The following CNTNAP2 variants were observed in gnomAD, a reference collection of about 807,000 sequenced individuals.
CNTNAP2 encodes contactin-associated protein-like 2.
A neutral mutation model predicts 155.2 loss-of-function variants in CNTNAP2; 98 were observed. The observed-to-expected ratio is 0.63, with a 90% CI of 0.54 to 0.75. The LOEUF is 0.75. CNTNAP2 is among the 30% of genes least tolerant of loss of function. The pLI, the probability that CNTNAP2 is intolerant of heterozygous loss-of-function variation, is 0.00. For missense variants in CNTNAP2, 1,727 were observed against 1,688.1 expected, an observed-to-expected ratio of 1.02 and a Z score of -0.40; for synonymous variants, 651 against 631.2, an observed-to-expected ratio of 1.03 and a Z score of -0.47.
chr7:146,187,758 T>C (rs1005549116), intron 1 of CNTNAP2, among the ~76,000 whole-genome samples: 4 of 152,096 alleles, frequency 2.6e-5, no homozygotes, highest in African/African-American at 9.7e-5. Context: ...CACGGAACTC[T>C]CTCTTATTCA....
chr7:147,877,651 T>C (rs937649686), intron 13 of CNTNAP2, among the ~76,000 whole-genome samples: 1 of 152,182 alleles, frequency 6.6e-6, no homozygotes, highest in Admixed American at 6.6e-5. Context: ...CAAGACACTT[T>C]GTTAAATGAA....
At chr7:146,938,542 C>T (rs1796976107) in intron 3 of CNTNAP2, among the ~76,000 whole-genome samples, 1 of 151,544 alleles carries the variant, frequency 6.6e-6, no homozygotes, top group Admixed American at 6.6e-5. Context: ...AAAAACAAAT[C>T]CCTCCACTCC....
intron 20 of CNTNAP2, among the ~76,000 whole-genome samples, chr7:148,249,269 C>T (rs1177966268): frequency 6.6e-6 from 1 of 152,216 alleles, no homozygotes; most frequent in East Asian, 1.9e-4. Context: ...TCACAGTTCT[C>T]CTGCTGCTCC....
chr7:146,309,733 G>C (rs570408126), intron 1 of CNTNAP2, among the ~76,000 whole-genome samples: 2 of 151,828 alleles, frequency 1.3e-5, no homozygotes, highest in South Asian at 4.2e-4. Flanking sequence ...CCCTGGAGGC[G>C]GAGGTTGCAG....
At chr7:147,391,603 C>A (rs1796719844) in intron 9 of CNTNAP2, among the ~76,000 whole-genome samples, 1 of 152,022 alleles carries the variant, frequency 6.6e-6, no homozygotes, top group Admixed American at 6.6e-5. Flanking sequence ...CCCCCTTACC[C>A]CTTGAGCTTC....
At chr7:146,542,040 C>T (rs1797960976) in intron 1 of CNTNAP2, among the ~76,000 whole-genome samples, 1 of 151,896 alleles carries the variant, frequency 6.6e-6, no homozygotes, top group Non-Finnish European at 1.5e-5. Flanking sequence ...AACTCAAGTC[C>T]TTAAAAATGA....
intron 3 of CNTNAP2, among the ~76,000 whole-genome samples, chr7:146,881,834 CAG>C (rs1795559001): frequency 6.9e-6 from 1 of 145,354 alleles, no homozygotes. Context: ...ATTTTAGAGT[CAG>C]GGGATACATA....
At chr7:147,683,234 A>ATTAAT (rs543964797) in intron 13 of CNTNAP2, among the ~76,000 whole-genome samples, 2,483 of 152,008 alleles carry the variant, frequency 0.016, 221 homozygotes, top group Admixed American at 0.15. Context: ...GACAAATGTA[A>ATTAAT]TTAATCCCAA....
intron 13 of CNTNAP2, among the ~76,000 whole-genome samples, chr7:147,743,591 G>A (rs1195529835): frequency 6.6e-6 from 1 of 152,116 alleles, no homozygotes; most frequent in East Asian, 1.9e-4. Context: ...TCACGCTCTG[G>A]TAATTGCGTT....
At chr7:147,436,809 C>A (rs1797556216) in intron 10 of CNTNAP2, among the ~76,000 whole-genome samples, 1 of 152,122 alleles carries the variant, frequency 6.6e-6, no homozygotes, top group African/African-American at 2.4e-5. Flanking sequence ...TGAAGTTAGG[C>A]TCCCACCCAC....
chr7:146,258,528 G>A (rs975644569), intron 1 of CNTNAP2, among the ~76,000 whole-genome samples: 2 of 152,186 alleles, frequency 1.3e-5, no homozygotes, highest in African/African-American at 2.4e-5. Context: ...GCTTGTTGAT[G>A]TTGGAGGTTC....
chr7:146,483,524 T>C (rs1797010867), intron 1 of CNTNAP2, among the ~76,000 whole-genome samples: 1 of 150,300 alleles, frequency 6.7e-6, no homozygotes, highest in African/African-American at 2.4e-5. Context: ...TGTGTGTGTG[T>C]AATTTTTTTG....
At chr7:146,303,722 G>T (rs1163987497) in intron 1 of CNTNAP2, among the ~76,000 whole-genome samples, 1 of 152,116 alleles carries the variant, frequency 6.6e-6, no homozygotes, top group Admixed American at 6.5e-5. Context: ...GTGTGTTGTG[G>T]TGCTGAGAAG....
At position 146,892,176 on chromosome 7, in the gene CNTNAP2, G is replaced by A. The variant is rs145333488; in HGVS notation, c.402+52272G>A. ...TTCTTCCAAGACGGCCCACTCAATG[G>A]CTGGCAAGTTGATGCTGTTATCAGC... is the stretch of plus-strand genomic sequence containing the variant. On this transcript the variant is annotated intron_variant, in intron 3 of 23. Coordinates refer to ENST00000361727, the MANE Select transcript of CNTNAP2 (RefSeq NM_014141.6). Among the ~76,000 whole-genome samples the A allele has an allele frequency of 3.2e-3, 481 of 152,282 alleles. 4 individuals carry two copies. Among genetic ancestry groups the A allele is most frequent in the African/African-American group, 0.011 (465 of 41,560 alleles).
intron 11 of CNTNAP2, among the ~76,000 whole-genome samples, chr7:147,491,361 G>A (rs1200854735): frequency 1.3e-5 from 2 of 151,912 alleles, no homozygotes; most frequent in Admixed American, 1.3e-4. Flanking sequence ...TCTCTGCTTT[G>A]TCTAGTACAT....
At chr7:147,986,585 C>T (rs1801620776) in intron 15 of CNTNAP2, among the ~76,000 whole-genome samples, 1 of 152,118 alleles carries the variant, frequency 6.6e-6, no homozygotes, top group Admixed American at 6.5e-5. Context: ...GGCCCAAGGT[C>T]TCAGAGCTGG....
At chr7:146,352,904 G>T (rs979652022) in intron 1 of CNTNAP2, among the ~76,000 whole-genome samples, 1 of 150,432 alleles carries the variant, frequency 6.6e-6, no homozygotes, top group Non-Finnish European at 1.5e-5. Context: ...ACAGGCACCC[G>T]CCACCACGCC....
At chr7:148,079,526 C>G (rs139897961) in intron 15 of CNTNAP2, among the ~76,000 whole-genome samples, 2,780 of 152,200 alleles carry the variant, frequency 0.018, 80 homozygotes, top group African/African-American at 0.064. Context: ...TCTTATCAGA[C>G]TTAAAAAGGT....
At chr7:147,644,313 A>G (rs898743998) in intron 13 of CNTNAP2, among the ~76,000 whole-genome samples, 2 of 152,144 alleles carry the variant, frequency 1.3e-5, no homozygotes, top group Non-Finnish European at 2.9e-5. Flanking sequence ...CTACTTCTCA[A>G]ATAAGTACCA....
Sources: gnomAD v4.1 joint callset for allele counts (sites outside exome capture counted in the v4.1 genomes callset) on GRCh38, gnomAD v4.1.1 for gene constraint, MANE v1.5 for transcripts, NCBI Gene and HGNC (gene_info 2026-07-23, HGNC 2026-07-21) for gene names.